The following ZNF503 variants were observed in gnomAD, a reference collection of about 807,000 sequenced individuals.
ZNF503 encodes the protein NocA-like zinc finger 2.
ZNF503 carries 15 observed loss-of-function variants against 34.4 expected under a neutral mutation model. The ratio of observed to expected loss-of-function variants is 0.44; its 90% CI spans 0.29 to 0.67. The LOEUF (loss-of-function observed/expected upper bound fraction) is 0.67, where lower values mean the gene tolerates loss of function less well. Among genes scored for constraint, ZNF503 ranks in the 30% least tolerant of loss-of-function variants. ZNF503 has a pLI of 0.13. For synonymous variants in ZNF503, 580 were observed against 456.8 expected, an observed-to-expected ratio of 1.27 and a Z score of -3.44; for missense variants, 1,007 against 926.8, an observed-to-expected ratio of 1.09 and a Z score of -1.12.
the ZNF503 span, among the ~76,000 whole-genome samples, chr10:75,323,991 CAAA>C: frequency 0.024 from 1,048 of 42,814 alleles, 10 homozygotes; most frequent in African/African-American, 0.07. Context: ...AACTCCGTCT[CAAA>C]AAAAAAAAAA....
chr10:75,298,706 T>C, the ZNF503 span, among the ~76,000 whole-genome samples: 1 of 152,176 alleles, frequency 6.6e-6, no homozygotes, highest in Non-Finnish European at 1.5e-5. Context: ...TTCTTTTGGG[T>C]ATATATGTAG....
At chr10:75,298,445 T>A in the ZNF503 span, among the ~76,000 whole-genome samples, 1 of 152,242 alleles carries the variant, frequency 6.6e-6, no homozygotes, top group African/African-American at 2.4e-5. Flanking sequence ...TAGAGTCATA[T>A]AATATGTGGC....
the ZNF503 span, among the ~76,000 whole-genome samples, chr10:75,281,300 G>C: frequency 6.6e-6 from 1 of 152,228 alleles, no homozygotes; most frequent in Admixed American, 6.5e-5. Context: ...TCTGCATGGA[G>C]GAGACACCTG....
chr10:75,376,457 A>C, the ZNF503 span, among the ~76,000 whole-genome samples: 2 of 152,200 alleles, frequency 1.3e-5, no homozygotes, highest in Non-Finnish European at 2.9e-5. Flanking sequence ...CAGCCTGGCC[A>C]ACATGGCGAA....
At chr10:75,338,880 C>T in the ZNF503 span, among the ~76,000 whole-genome samples, 3 of 152,304 alleles carry the variant, frequency 2.0e-5, no homozygotes, top group East Asian at 5.8e-4. Context: ...TCTGTCTCTA[C>T]CCTAAGCCTC....
chr10:75,345,855 G>A, the ZNF503 span, among the ~76,000 whole-genome samples: 1,330 of 152,202 alleles, frequency 8.7e-3, 8 homozygotes, highest in African/African-American at 0.031. Context: ...CTGCACATAG[G>A]AGTGTGAAAT....
chr10:75,397,445 C>A (rs1843714526), downstream of ZNF503, among the ~76,000 whole-genome samples: 1 of 152,154 alleles, frequency 6.6e-6, no homozygotes, highest in African/African-American at 2.4e-5. Context: ...GCCGGCGAGT[C>A]CCGGCCTGCT....
chr10:75,385,239 C>T, the ZNF503 span, among the ~76,000 whole-genome samples: 1,318 of 152,260 alleles, frequency 8.7e-3, 10 homozygotes, highest in Non-Finnish European at 0.016. Flanking sequence ...GGAAGGTCAC[C>T]GAGGTCACCC....
At chr10:75,325,866 T>C in the ZNF503 span, among the ~76,000 whole-genome samples, 1 of 149,734 alleles carries the variant, frequency 6.7e-6, no homozygotes, top group East Asian at 2.0e-4. Flanking sequence ...GTATTGCTTT[T>C]TTTTTTTTTT....
the ZNF503 span, among the ~76,000 whole-genome samples, chr10:75,378,509 CA>C: frequency 1.3e-5 from 2 of 151,974 alleles, no homozygotes; most frequent in Non-Finnish European, 2.9e-5. Context: ...ATCCATGACC[CA>C]CTCTCTCCTC....
At chr10:75,296,277 A>C in the ZNF503 span, 2 of 152,554 alleles carry the variant, frequency 1.3e-5, no homozygotes, top group African/African-American at 4.8e-5. Context: ...GATGCCAGGA[A>C]GCATTTCAGA....
At chr10:75,360,120 T>TC in the ZNF503 span, among the ~76,000 whole-genome samples, 1,646 of 138,214 alleles carry the variant, frequency 0.012, 40 homozygotes, top group African/African-American at 0.035. Flanking sequence ...GTTTCTTTTT[T>TC]TTTTTTTTTT....
At chr10:75,364,207 T>G in the ZNF503 span, among the ~76,000 whole-genome samples, 3 of 152,200 alleles carry the variant, frequency 2.0e-5, no homozygotes, top group Non-Finnish European at 4.4e-5. Context: ...GACAACAAAC[T>G]TGGTAATAAA....
the ZNF503 span, among the ~76,000 whole-genome samples, chr10:75,329,740 G>A: frequency 1.3e-5 from 2 of 152,140 alleles, no homozygotes; most frequent in African/African-American, 4.8e-5. Context: ...GCCTCCCAAA[G>A]TGCTGGGATT....
the ZNF503 span, among the ~76,000 whole-genome samples, chr10:75,372,016 G>A: frequency 1.3e-5 from 2 of 152,140 alleles, no homozygotes; most frequent in Non-Finnish European, 2.9e-5. Context: ...TGCAACCTCC[G>A]CCTTCTGGGT....
At chr10:75,380,794 T>G in the ZNF503 span, among the ~76,000 whole-genome samples, 1 of 152,182 alleles carries the variant, frequency 6.6e-6, no homozygotes, top group Non-Finnish European at 1.5e-5. Flanking sequence ...CCCTGAAAAT[T>G]CTGCAGAAGA....
the ZNF503 span, among the ~76,000 whole-genome samples, chr10:75,297,054 C>T: frequency 1.4e-4 from 21 of 152,288 alleles, no homozygotes; most frequent in South Asian, 6.2e-4. Flanking sequence ...GTGACCTTGC[C>T]CTTCTGCCAC....
Position 75,399,019 on chromosome 10 carries a change from G to C in ZNF503, c.1671C>G (p.Ser557Arg). The stretch of plus-strand genomic sequence containing the variant: ...CGGCAGCGCTGGCCAGAGACGACGA[G>C]CTGGGGTAGCCCGACAGCAGTTTGT... ...GTDKLLSGYP[S>R]SSSLASAAAA... Residue 557 changes from serine to arginine, a missense_variant, in exon 2 of 2, where the codon AGC becomes AGG. By Grantham distance (110) the Ser-to-Arg change is moderately radical (BLOSUM62 -1). Coordinates refer to ENST00000372524, the MANE Select transcript of ZNF503 (RefSeq NM_032772.6). 1 of 1,610,344 alleles carries C rather than the reference G, an allele frequency of 6.2e-7. No individual in the cohort carries two copies. The highest frequency in any genetic ancestry group is 8.5e-7 in the Non-Finnish European group (1 of 1,179,640).
chr10:75,389,633 G>A, the ZNF503 span, among the ~76,000 whole-genome samples: 4 of 152,276 alleles, frequency 2.6e-5, no homozygotes, highest in South Asian at 8.3e-4. Context: ...AGGAGGCTGA[G>A]GCAGGAGAAT....
Sources: gnomAD v4.1 joint callset for allele counts (sites outside exome capture counted in the v4.1 genomes callset) on GRCh38, gnomAD v4.1.1 for gene constraint, MANE v1.5 for transcripts, NCBI Gene and HGNC (gene_info 2026-07-23, HGNC 2026-07-21) for gene names.